The following TCF20 variants were observed in gnomAD, a reference collection of about 807,000 sequenced individuals.
TCF20 encodes SPRE-binding protein.
In TCF20, 3 loss-of-function variants were observed where a neutral mutation model predicts 148.6. That is an observed-to-expected ratio of 0.02 (90% CI 0.01 to 0.05). The LOEUF is 0.05. Ranked by LOEUF, TCF20 falls within the 10% of genes least tolerant of loss-of-function variation. The pLI is 1.00. For missense variants in TCF20, 2,350 were observed against 2,429.3 expected (o/e 0.97, Z 0.69); for synonymous variants, 1,049 against 909.5 (o/e 1.15, Z -2.76).
At chr22:42,254,468 T>C (rs1204126435) in intron 1 of TCF20, among the ~76,000 whole-genome samples, 1 of 152,230 alleles carries the variant, frequency 6.6e-6, no homozygotes, top group Admixed American at 6.5e-5. Flanking sequence ...GCCTGTGGTA[T>C]CATGATATAT....
intron 1 of TCF20, among the ~76,000 whole-genome samples, chr22:42,269,299 G>A (rs998095094): frequency 2.0e-5 from 3 of 151,502 alleles, no homozygotes; most frequent in African/African-American, 4.8e-5. Flanking sequence ...AATCTTCGAG[G>A]AAAAAAAAGC....
At chr22:42,334,350 C>G (rs1928028945) in intron 1 of TCF20, among the ~76,000 whole-genome samples, 1 of 151,968 alleles carries the variant, frequency 6.6e-6, no homozygotes, top group Non-Finnish European at 1.5e-5. Flanking sequence ...CCCAGGGGTA[C>G]CCCAATGAGG....
chr22:42,196,050 G>A (rs1223929989), intron 2 of TCF20, among the ~76,000 whole-genome samples: 2 of 152,202 alleles, frequency 1.3e-5, no homozygotes, highest in African/African-American at 2.4e-5. Flanking sequence ...CAGCTTAGCT[G>A]GGCATTTGCA....
intron 1 of TCF20, among the ~76,000 whole-genome samples, chr22:42,250,323 G>A (rs1271708773): frequency 6.6e-6 from 1 of 151,790 alleles, no homozygotes; most frequent in Non-Finnish European, 1.5e-5. Context: ...CGGGGCGCCT[G>A]TAATCCCAGC....
rs745763431 is a variant in TCF20, at chr22:42,209,983, TCTG to T, written c.5320_5322del (p.Gln1774del). 32 of 1,613,238 alleles carry T rather than the reference TCTG, an allele frequency of 2.0e-5. No individual in the cohort carries two copies. Among genetic ancestry groups the T allele is most frequent in the African/African-American group, 1.2e-4 (9 of 75,028 alleles). The stretch of plus-strand genomic sequence containing the variant: ...TGTGCGGCCAGGCTTCTCTGCTCCT[TCTG>T]CTGCTGCTGCTGCTCTTCCTCCTCC... On this transcript the variant is annotated inframe_deletion, in exon 2 of 6. Coordinates refer to ENST00000677622, the MANE Select transcript of TCF20 (RefSeq NM_001378418.1).
intron 3 of TCF20, among the ~76,000 whole-genome samples, chr22:42,178,585 CTTTT>C (rs71184870): frequency 2.6e-5 from 2 of 78,424 alleles, no homozygotes; most frequent in African/African-American, 4.9e-5. Context: ...ACAAATAATT[CTTTT>C]TTTTTTTTTT....
At chr22:42,244,178 T>C (rs1225717419) in intron 1 of TCF20, among the ~76,000 whole-genome samples, 1 of 152,220 alleles carries the variant, frequency 6.6e-6, no homozygotes, top group Non-Finnish European at 1.5e-5. Context: ...CCCTCCAGCC[T>C]GGGCCACACA....
At chr22:42,275,850 G>A (rs1926766100) in intron 1 of TCF20, among the ~76,000 whole-genome samples, 1 of 152,184 alleles carries the variant, frequency 6.6e-6, no homozygotes. Flanking sequence ...CAGTGACAAA[G>A]GCATGCTCTA....
intron 3 of TCF20, among the ~76,000 whole-genome samples, chr22:42,173,253 A>C (rs1424981620): frequency 6.6e-6 from 1 of 151,970 alleles, no homozygotes. Context: ...TAAAAAAAAA[A>C]AAAAACAGAG....
At chr22:42,243,979 T>C (rs1204315505) in intron 1 of TCF20, among the ~76,000 whole-genome samples, 1 of 152,026 alleles carries the variant, frequency 6.6e-6, no homozygotes, top group Non-Finnish European at 1.5e-5. Context: ...CCAGGCACAC[T>C]GGATCACTTG....
At position 42,297,771 on chromosome 22, in the gene TCF20, T is replaced by TC. The variant is rs1195647134; in HGVS notation, c.-37+45707dup. 2.6e-5 allele frequency among the ~76,000 whole-genome samples: 4 copies of TC among 151,928 alleles called. No individual in the cohort carries two copies. The highest frequency in any genetic ancestry group is 3.9e-4 in the East Asian group (2 of 5,184). On this transcript the variant is annotated intron_variant, in intron 1 of 1. Coordinates refer to the TCF20 transcript ENST00000515426. This position sits in a 1 kb window ranked among gnomAD's most constrained non-coding sequence, Gnocchi z 4.3. Reference sequence around the variant, plus strand: ...CCACAACAGAAGGCCTCGGGTCGCATCCCCCCACCAGCTGGGGCCCCTGTC... The same window carrying TC: ...CCACAACAGAAGGCCTCGGGTCGCATCCCCCCCACCAGCTGGGGCCCCTGTC...
chr22:42,294,668 A>G (rs1484331799), intron 1 of TCF20, among the ~76,000 whole-genome samples: 2 of 152,192 alleles, frequency 1.3e-5, no homozygotes, highest in East Asian at 3.8e-4. Flanking sequence ...CAGGGACTTG[A>G]TGGAGATTAT....
intron 1 of TCF20, among the ~76,000 whole-genome samples, chr22:42,300,338 G>A (rs1431069662): frequency 6.6e-6 from 1 of 151,702 alleles, no homozygotes; most frequent in Non-Finnish European, 1.5e-5. Flanking sequence ...ACAGAAGCCA[G>A]AAATCTAGAT....
At chr22:42,208,906 A>G (rs937573351) in intron 2 of TCF20, among the ~76,000 whole-genome samples, 20 of 152,238 alleles carry the variant, frequency 1.3e-4, no homozygotes. Flanking sequence ...TGACCTAGTC[A>G]AGACCTATCA....
intron 2 of TCF20, among the ~76,000 whole-genome samples, chr22:42,190,458 T>C (rs1342750341): frequency 3.1e-5 from 3 of 97,558 alleles, no homozygotes; most frequent in Admixed American, 1.0e-4. Context: ...AGACCTTGAC[T>C]GACACACACA....
intron 1 of TCF20, among the ~76,000 whole-genome samples, chr22:42,335,341 T>A (rs1928048010): frequency 6.6e-6 from 1 of 152,142 alleles, no homozygotes; most frequent in African/African-American, 2.4e-5. Context: ...CCACTCAGCT[T>A]TTCCACACAG....
chr22:42,314,586 C>A (rs115126552), intron 1 of TCF20, among the ~76,000 whole-genome samples: 9,249 of 152,246 alleles, frequency 0.061, 962 homozygotes, highest in African/African-American at 0.21. Flanking sequence ...GCAGGTCCTG[C>A]ACCCAGGAGG....
intron 5 of TCF20, among the ~76,000 whole-genome samples, chr22:42,163,221 G>A (rs1457753518): frequency 3.3e-5 from 5 of 152,224 alleles, no homozygotes; most frequent in Admixed American, 1.3e-4. Context: ...TGAAGCACAT[G>A]TCAGCAGCCA....
intron 5 of TCF20, among the ~76,000 whole-genome samples, chr22:42,165,365 T>C (rs902116002): frequency 6.6e-6 from 1 of 152,250 alleles, no homozygotes; most frequent in Admixed American, 6.5e-5. Context: ...ATCAAGGTTA[T>C]GCTTCCCATG....
Sources: allele counts gnomAD v4.1 joint callset (sites outside exome capture counted in the v4.1 genomes callset), GRCh38; gene constraint gnomAD v4.1.1; non-coding constraint Gnocchi (gnomAD v3.1); transcripts MANE v1.5; gene names NCBI Gene and HGNC (gene_info 2026-07-23, HGNC 2026-07-21).